ABCF1: variants seen among roughly 807,000 people sequenced by gnomAD.
The protein encoded by ABCF1 is ATP-binding cassette sub-family F member 1.
Under a neutral mutation model 126.3 loss-of-function variants are expected in ABCF1, and 73 were observed. The ratio of observed to expected loss-of-function variants is 0.58; its 90% CI spans 0.48 to 0.70. The LOEUF (loss-of-function observed/expected upper bound fraction) is 0.70. Ranked by LOEUF, ABCF1 falls within the 30% of genes least tolerant of loss-of-function variation. ABCF1 has a pLI of 0.00. For missense variants in ABCF1, 786 were observed against 1,057.5 expected (o/e 0.74, Z 3.56); for synonymous variants, 345 against 396.4 (o/e 0.87, Z 1.54).
chr6:30,571,595 G>T (rs1045831442), intron 1 of ABCF1, 35 bp downstream of exon 1: 5 of 1,596,400 alleles, frequency 3.1e-6, no homozygotes, highest in Non-Finnish European at 4.3e-6. Flanking sequence ...ACGAGCAGAG[G>T]GGGAAGAGAG....
intron 8 of ABCF1, among the ~76,000 whole-genome samples, chr6:30,581,628 C>T (rs1362472954): frequency 6.6e-6 from 1 of 151,996 alleles, no homozygotes; most frequent in Non-Finnish European, 1.5e-5. Flanking sequence ...TGGTCTTGAT[C>T]TCCTGACCTT....
At chr6:30,582,009 G>A (rs1325578366) in intron 8 of ABCF1, among the ~76,000 whole-genome samples, 1 of 151,996 alleles carries the variant, frequency 6.6e-6, no homozygotes, top group Non-Finnish European at 1.5e-5. Context: ...CAGGGACAGG[G>A]GGCAGATGAT....
Position 30,586,852 on chromosome 6 carries a change from G to T in ABCF1, c.2031+141G>T. On this transcript the variant is annotated intron_variant, in intron 20 of 24. Transcript: ENST00000326195. The surrounding 1 kb of genome is among the most constrained non-coding windows in gnomAD (Gnocchi z 4.9). Reference sequence around the variant, plus strand: ...ATAGATGATTCATTTCCCTAAGAGGGGCAGTAGAGGAGGAAAGAGCTTAGA... The same window carrying T: ...ATAGATGATTCATTTCCCTAAGAGGTGCAGTAGAGGAGGAAAGAGCTTAGA... The T allele has an allele frequency of 1.1e-6, 1 of 938,944 alleles. No individual in the cohort carries two copies. The highest frequency in any genetic ancestry group is 1.6e-6 in the Non-Finnish European group (1 of 615,926). 58.2% of individuals were successfully genotyped at this position (938,944 alleles called of 1,614,324 possible). A position where few individuals can be genotyped will look rare whatever the true frequency, so the allele number is the denominator to read the frequency against.
At position 30,590,585 on chromosome 6, in the gene ABCF1, C is replaced by T. The variant is rs1474066777; in HGVS notation, c.2422C>T (p.Gln808Ter). 2 of 1,612,992 alleles carry T rather than the reference C, an allele frequency of 1.2e-6. No homozygotes were observed. The highest frequency in any genetic ancestry group is 2.2e-5 in the South Asian group (2 of 91,084). The part of the protein sequence containing the change: ...DARLITETNC[Q>*]LWVVEEQSVS... Reference sequence around the variant, plus strand: ...CCGACTCATCACAGAAACCAATTGCCAGCTGTGGGTGGTGGAGGAGCAGAG... The same window carrying T: ...CCGACTCATCACAGAAACCAATTGCTAGCTGTGGGTGGTGGAGGAGCAGAG... The change falls in exon 25 of 25, where the codon CAG (glutamine) becomes TAG (stop). Residue 808 changes from glutamine (Q) to a stop codon, truncating the protein, a stop_gained. Coordinates refer to ENST00000326195, the MANE Select transcript of ABCF1 (RefSeq NM_001025091.2). LOFTEE classifies it high-confidence loss of function.
chr6:30,588,895 G>A (rs1802292822), intron 20 of ABCF1, among the ~76,000 whole-genome samples: 1 of 151,994 alleles, frequency 6.6e-6, no homozygotes, highest in African/African-American at 2.4e-5. Context: ...CTTTGGCTGT[G>A]GTTAGTCCCT....
rs1801989352 is a variant in ABCF1 at position 30,584,251 on chromosome 6, T to C, written c.1162T>C (p.Leu388=). The C allele has an allele frequency of 1.2e-6, 2 of 1,612,934 alleles. No homozygotes were observed. The highest frequency in any genetic ancestry group is 8.5e-7 in the Non-Finnish European group (1 of 1,180,008). Residue 388 remains leucine (L), a synonymous_variant, in exon 13 of 25, where the codon TTG becomes CTG. Transcript: ENST00000326195. The surrounding 1 kb of genome is among the most constrained non-coding windows in gnomAD (Gnocchi z 4.6). ...QAVLRADTKR[L]KLLEEERRLQ... ...TGTTCTTCGAGCTGACACCAAGCGA[T>C]TGAAGCTGCTGGAAGAGGAGCGGCG...
In ABCF1 at chr6:30,582,528, G is replaced by C. The variant is rs774918455; in HGVS notation, c.792+21G>C. The stretch of plus-strand genomic sequence containing the variant: ...AACAGGTAAGACCTTGGTTCTTAGC[G>C]GTCAAAAGTAGGGGATTTTTAAATA... On this transcript the variant is annotated intron_variant, in intron 9 of 24. Coordinates refer to ENST00000326195, the MANE Select transcript of ABCF1 (RefSeq NM_001025091.2). 2.8e-5 allele frequency: 45 copies of C among 1,610,922 alleles called. No individual in the cohort carries two copies. The Admixed American group carries it at 3.9e-4, about 14-fold the overall frequency.
rs374365010 is a variant in ABCF1, at chr6:30,585,726, G to C, written c.1600+44G>C. 5.5e-5 allele frequency: 88 copies of C among 1,606,894 alleles called. No homozygotes were observed. In the South Asian group the frequency reaches 9.5e-4, roughly 17 times the overall value. On this transcript the variant is annotated intron_variant, in intron 16 of 24. Coordinates refer to ENST00000326195, the MANE Select transcript of ABCF1 (RefSeq NM_001025091.2). ...GGATGCAGGGAAGAGATAGAACCTC[G>C]AAAAGAGGCCTGAGTGGGAGGGCCT...
rs1231792568 is a variant in ABCF1, at chr6:30,586,419, A to C, written c.1886-55A>C. 6.2e-7 allele frequency: 1 copy of C among 1,611,286 alleles called. No individual in the cohort carries two copies. On this transcript the variant is annotated intron_variant, in intron 18 of 24. Coordinates refer to ENST00000326195, the MANE Select transcript of ABCF1 (RefSeq NM_001025091.2). This position sits in a 1 kb window ranked among gnomAD's most constrained non-coding sequence, Gnocchi z 4.9. The stretch of plus-strand genomic sequence containing the variant: ...CTGTTCTCCAAGGCCAGCACATGAG[A>C]GGGACTTTGCAGGGACTGAAAAGAA...
chr6:30,582,380 C>T lies in ABCF1; in HGVS notation c.679-14C>T. 6.4e-7 allele frequency: 1 copy of T among 1,560,980 alleles called. No individual in the cohort carries two copies. The highest frequency in any genetic ancestry group is 8.8e-7 in the Non-Finnish European group (1 of 1,137,422). ...CAGGAGTCCCTAGTTTTGACCATCC[C>T]CGGGTTCTCACAGGGTTCAGAGGAA... On this transcript the variant is annotated splice_polypyrimidine_tract_variant and intron_variant, in intron 8 of 24. Transcript: ENST00000326195.
At position 30,584,015 on chromosome 6, in the gene ABCF1, G is replaced by A. The variant is rs1476756160; in HGVS notation, c.1102+125G>A. On this transcript the variant is annotated intron_variant, in intron 12 of 24. Coordinates refer to ENST00000326195, the MANE Select transcript of ABCF1 (RefSeq NM_001025091.2). This position sits in a 1 kb window ranked among gnomAD's most constrained non-coding sequence, Gnocchi z 4.6. ...GGGATGTGGAGGGAGACTGGAGACC[G>A]GGAAAGGGATGCTAAGGAAAGGAGG... 6 of 1,398,502 alleles carry A rather than the reference G, an allele frequency of 4.3e-6. No homozygotes were observed. The African/African-American group carries it at 4.3e-5, about 10-fold the overall frequency. The allele number at this position is 1,398,502 out of a possible 1,614,324, so 86.6% of individuals were successfully genotyped here. A position where few individuals can be genotyped will look rare whatever the true frequency, so the allele number is the denominator to read the frequency against.
At position 30,590,622 on chromosome 6, in the gene ABCF1, T is replaced by A. The variant is rs751969977; in HGVS notation, c.2459T>A (p.Ile820Asn). 6.2e-7 allele frequency: 1 copy of A among 1,612,962 alleles called. No homozygotes were observed. The highest frequency in any genetic ancestry group is 8.5e-7 in the Non-Finnish European group (1 of 1,180,004). ...GTGGAGGAGCAGAGTGTTAGCCAAATCGATGGTGACTTTGAAGACTACAAG... is the reference window on the plus strand; with the variant it reads ...GTGGAGGAGCAGAGTGTTAGCCAAAACGATGGTGACTTTGAAGACTACAAG... ...WVVEEQSVSQ[I>N]DGDFEDYKRE... Residue 820 changes from isoleucine (I) to asparagine (N), a missense_variant, in exon 25 of 25, where the codon ATC becomes AAC. This residue lies in a region of ABCF1 where 288 missense variants were observed against 423.5 expected (regional missense o/e 0.68). Coordinates refer to ENST00000326195, the MANE Select transcript of ABCF1 (RefSeq NM_001025091.2).
chr6:30,589,017 C>CT (rs1337814310), intron 20 of ABCF1, among the ~76,000 whole-genome samples: 1 of 151,964 alleles, frequency 6.6e-6, no homozygotes, highest in East Asian at 1.9e-4. Flanking sequence ...TGTTCCTTTT[C>CT]TTTTTTGAGA....
chr6:30,582,804 C>T (rs943324110), intron 9 of ABCF1, among the ~76,000 whole-genome samples: 10 of 152,170 alleles, frequency 6.6e-5, no homozygotes, highest in African/African-American at 2.4e-4. Flanking sequence ...AGTGATCCTC[C>T]CACCTCAGCC....
chr6:30,575,077 T>TC (rs1400446489), intron 1 of ABCF1, among the ~76,000 whole-genome samples: 142 of 148,134 alleles, frequency 9.6e-4, no homozygotes, highest in African/African-American at 3.2e-3. Flanking sequence ...TTTTCTTTTT[T>TC]TTTTTTTTTT....
chr6:30,582,920 T>G, intron 9 of ABCF1, 146 bp from the exon 10 acceptor site: 1 of 1,095,038 alleles, frequency 9.1e-7, no homozygotes, highest in Non-Finnish European at 1.3e-6. Flanking sequence ...CTCAAACTCC[T>G]GAGCTCAAGA....
rs1474040980 is a variant in ABCF1, at chr6:30,586,183, G to A, written c.1763G>A (p.Arg588Gln). ...ACTCGGAAGCAGCAGAAATGCCGAC[G>A]GAAAAACCAAGATGAGGAATCCCAG... ...ALTRKQQKCR[R>Q]KNQDEESQEA... Residue 588 changes from arginine to glutamine, a missense_variant, in exon 18 of 25, where the codon CGG becomes CAG. This residue lies in a region of ABCF1 where 288 missense variants were observed against 423.5 expected (regional missense o/e 0.68). Coordinates refer to ENST00000326195, the MANE Select transcript of ABCF1 (RefSeq NM_001025091.2). This position sits in a 1 kb window ranked among gnomAD's most constrained non-coding sequence, Gnocchi z 4.9. 24 of 1,613,820 alleles carry A rather than the reference G, an allele frequency of 1.5e-5. No homozygotes were observed. In the Admixed American group the frequency reaches 2.3e-4, roughly 16 times the overall value.
At chr6:30,577,974 C>T (rs1273246372) in intron 3 of ABCF1, 61 bp downstream of exon 3, 3 of 1,613,200 alleles carry the variant, frequency 1.9e-6, no homozygotes, top group Non-Finnish European at 8.5e-7. Flanking sequence ...AACCCCTTTC[C>T]AGCCCATGTT....
At chr6:30,588,104 T>C (rs1582600233) in intron 20 of ABCF1, among the ~76,000 whole-genome samples, 1 of 152,076 alleles carries the variant, frequency 6.6e-6, no homozygotes, top group Admixed American at 6.6e-5. Flanking sequence ...GGTTTCACCA[T>C]GTTGGTCAGG....
Sources: allele counts gnomAD v4.1 joint callset (sites outside exome capture counted in the v4.1 genomes callset), GRCh38; gene constraint gnomAD v4.1.1; regional missense constraint gnomAD v4.1.1; non-coding constraint Gnocchi (gnomAD v3.1); transcripts MANE v1.5; gene names NCBI Gene and HGNC (gene_info 2026-07-23, HGNC 2026-07-21).